TMEM272: variants seen among roughly 807,000 people sequenced by gnomAD.
TMEM272 encodes the protein long intergenic non-protein coding RNA 282.
In TMEM272, 8 loss-of-function variants were observed where a neutral mutation model predicts 3.7. The ratio of observed to expected loss-of-function variants is 2.17; its 90% CI spans 1.27 to 3.91. TMEM272 has a LOEUF of 3.91. Among genes scored for constraint, TMEM272 ranks in the 30% most tolerant of loss-of-function variants. TMEM272 has a pLI of 0.00. For synonymous variants in TMEM272, 63 were observed against 39.8 expected (o/e 1.58, Z -2.20); for missense variants, 166 against 91.5 (o/e 1.81, Z -3.32).
the TMEM272 span, among the ~76,000 whole-genome samples, chr13:51,863,714 C>T: frequency 7.0e-6 from 1 of 141,932 alleles, no homozygotes; most frequent in Non-Finnish European, 1.5e-5. Context: ...CACACACCAG[C>T]TATGTGTCTT....
At chr13:51,860,254 G>T in the TMEM272 span, among the ~76,000 whole-genome samples, 1 of 152,132 alleles carries the variant, frequency 6.6e-6, no homozygotes, top group African/African-American at 2.4e-5. Flanking sequence ...CTGTCTCTGA[G>T]GAATTGCAGA....
At chr13:51,850,387 G>A in the TMEM272 span, among the ~76,000 whole-genome samples, 1 of 152,078 alleles carries the variant, frequency 6.6e-6, no homozygotes, top group African/African-American at 2.4e-5. Flanking sequence ...AATGTCTTCT[G>A]GGATATTTTT....
At chr13:51,901,145 TC>T in the TMEM272 span, among the ~76,000 whole-genome samples, 31 of 152,346 alleles carry the variant, frequency 2.0e-4, no homozygotes, top group African/African-American at 6.7e-4. Flanking sequence ...TCTTTTTTTT[TC>T]AAGTGAGGCC....
At chr13:51,852,979 C>T in the TMEM272 span, among the ~76,000 whole-genome samples, 3 of 152,044 alleles carry the variant, frequency 2.0e-5, no homozygotes, top group Non-Finnish European at 2.9e-5. Flanking sequence ...TTTCAACTCC[C>T]CAAAAACTTA....
the TMEM272 span, among the ~76,000 whole-genome samples, chr13:51,863,698 CA>C: frequency 3.8e-5 from 5 of 132,492 alleles, no homozygotes; most frequent in African/African-American, 1.3e-4. Flanking sequence ...CACACACACA[CA>C]CACACACACA....
the TMEM272 span, among the ~76,000 whole-genome samples, chr13:51,860,464 C>A: frequency 6.6e-6 from 1 of 151,618 alleles, no homozygotes; most frequent in Non-Finnish European, 1.5e-5. Flanking sequence ...CATGGAGAAA[C>A]CTTATCTCTA....
chr13:51,842,062 C>A (rs1956268167), intron 1 of TMEM272, among the ~76,000 whole-genome samples: 1 of 152,168 alleles, frequency 6.6e-6, no homozygotes, highest in African/African-American at 2.4e-5. Flanking sequence ...CATCATATGA[C>A]CTCGTGCATG....
chr13:51,854,878 A>G, the TMEM272 span, among the ~76,000 whole-genome samples: 3 of 152,152 alleles, frequency 2.0e-5, no homozygotes, highest in African/African-American at 7.2e-5. Context: ...AAGTTCTATT[A>G]TGTCACTCTT....
At chr13:51,909,465 A>G in the TMEM272 span, 2 of 892,192 alleles carry the variant, frequency 2.2e-6, no homozygotes, top group East Asian at 5.1e-5. Flanking sequence ...TTCTTGATAT[A>G]ACTCAGTCAT....
chr13:51,865,649 A>C, the TMEM272 span: 1 of 1,614,182 alleles, frequency 6.2e-7, no homozygotes, highest in Non-Finnish European at 8.5e-7. Flanking sequence ...GGAAGAGGAG[A>C]GACCTTTCTG....
In TMEM272 at chr13:51,826,626, C is replaced by T. The variant is rs1480714829; in HGVS notation, c.59-1G>A. 2 of 702,566 alleles carry T rather than the reference C, an allele frequency of 2.8e-6. No homozygotes were observed. Among genetic ancestry groups the T allele is most frequent in the Non-Finnish European group, 5.2e-6 (2 of 385,004 alleles). The allele number at this position is 702,566 out of a possible 1,614,324, so 43.5% of individuals were successfully genotyped here. A position where few individuals can be genotyped will look rare whatever the true frequency, so the allele number is the denominator to read the frequency against. ...GCACAGAGCACAACAACGAAGCAGG[C>T]TGCAAGGAGAAGAAGGGGCAGGCAC... is the stretch of plus-strand genomic sequence containing the variant. On this transcript the variant is annotated splice_acceptor_variant, in intron 2 of 4. Transcript: ENST00000629372. LOFTEE classifies it high-confidence loss of function.
chr13:51,909,436 T>C, the TMEM272 span: 1 of 866,806 alleles, frequency 1.2e-6, no homozygotes, highest in Non-Finnish European at 1.9e-6. Context: ...ATTAATTTCC[T>C]GTAGAGTTTC....
At chr13:51,928,030 T>C in the TMEM272 span, among the ~76,000 whole-genome samples, 1 of 152,060 alleles carries the variant, frequency 6.6e-6, no homozygotes, top group African/African-American at 2.4e-5. Flanking sequence ...CTACATTCCG[T>C]GGTCTTCCAC....
At chr13:51,863,178 A>T in the TMEM272 span, among the ~76,000 whole-genome samples, 1 of 152,248 alleles carries the variant, frequency 6.6e-6, no homozygotes, top group Non-Finnish European at 1.5e-5. Context: ...CAAGAGCTGA[A>T]TAGAGCCCGT....
the TMEM272 span, among the ~76,000 whole-genome samples, chr13:51,885,358 A>T: frequency 6.6e-6 from 1 of 152,214 alleles, no homozygotes. Context: ...GGCCTCAGGA[A>T]ATTTACAATC....
the TMEM272 span, among the ~76,000 whole-genome samples, chr13:51,872,446 C>CCACT: frequency 6.6e-6 from 1 of 152,076 alleles, no homozygotes; most frequent in East Asian, 1.9e-4. Flanking sequence ...CCTCCACACA[C>CCACT]TGAGATCAAA....
the TMEM272 span, among the ~76,000 whole-genome samples, chr13:51,875,733 C>G: frequency 6.6e-6 from 1 of 152,174 alleles, no homozygotes; most frequent in Admixed American, 6.5e-5. Context: ...CGCTGCTGAT[C>G]AGGGCATGAG....
the TMEM272 span, among the ~76,000 whole-genome samples, chr13:51,880,556 A>G: frequency 6.6e-6 from 1 of 152,252 alleles, no homozygotes; most frequent in Admixed American, 6.5e-5. Flanking sequence ...ATACAAAGGA[A>G]AAAGTCAGTC....
chr13:51,826,802 A>C (rs569502599), intron 2 of TMEM272, among the ~76,000 whole-genome samples, 177 bp from the exon 3 acceptor site: 1 of 152,362 alleles, frequency 6.6e-6, no homozygotes, highest in Admixed American at 6.5e-5. Context: ...GATGCAAGCC[A>C]AGACTTGCAC....
Sources: gnomAD v4.1 joint callset for allele counts (sites outside exome capture counted in the v4.1 genomes callset) on GRCh38, gnomAD v4.1.1 for gene constraint, MANE v1.5 for transcripts, NCBI Gene and HGNC (gene_info 2026-07-23, HGNC 2026-07-21) for gene names.